The following ADCY1 variants were observed in gnomAD, a reference collection of about 807,000 sequenced individuals.
The protein encoded by ADCY1 is adenylate cyclase type 1.
A neutral mutation model predicts 105.4 loss-of-function variants in ADCY1; 28 were observed. That is an observed-to-expected ratio of 0.27 (90% CI 0.20 to 0.36). The LOEUF (loss-of-function observed/expected upper bound fraction) is 0.36, where lower values mean the gene tolerates loss of function less well. Ranked by LOEUF, ADCY1 falls within the 10% of genes least tolerant of loss-of-function variation. The probability of loss-of-function intolerance (pLI) is 1.00; values close to 1 mark genes in which losing one functional copy is unlikely to be tolerated. For synonymous variants in ADCY1, 655 were observed against 623.8 expected, an observed-to-expected ratio of 1.05 and a Z score of -0.75; for missense variants, 977 against 1,434.2, an observed-to-expected ratio of 0.68 and a Z score of 5.15.
At chr7:45,628,425 C>T (rs1006072827) in intron 4 of ADCY1, among the ~76,000 whole-genome samples, 2 of 152,200 alleles carry the variant, frequency 1.3e-5, no homozygotes, top group Non-Finnish European at 2.9e-5. Flanking sequence ...AATGGAAACA[C>T]ATCTTTCTTC....
Position 45,685,988 on chromosome 7 carries a change from C to T in ADCY1, c.2100C>T (p.Ser700=). The change falls in exon 13 of 20, where the codon AGC becomes AGT. Residue 700 remains serine (S), a synonymous_variant. Coordinates refer to ENST00000297323, the MANE Select transcript of ADCY1 (RefSeq NM_021116.4). ...CVVGCLPWAW[S]SKPNSSLVVL... is the part of the protein sequence containing the mutation. ...TGGGCTGCCTGCCTTGGGCCTGGAG[C>T]TCCAAGCCCAACAGTTCCCTGGTGG... is the stretch of plus-strand genomic sequence containing the variant. The T allele has an allele frequency of 6.2e-7, 1 of 1,613,782 alleles. No homozygotes were observed. The highest frequency in any genetic ancestry group is 8.5e-7 in the Non-Finnish European group (1 of 1,179,844).
intron 5 of ADCY1, among the ~76,000 whole-genome samples, chr7:45,652,351 G>A (rs954949819): frequency 1.3e-5 from 2 of 152,190 alleles, no homozygotes; most frequent in Admixed American, 6.5e-5. Flanking sequence ...CGTGGTTCCA[G>A]AGGCTGCTCT....
At chr7:45,663,976 G>C (rs891644480) in intron 8 of ADCY1, among the ~76,000 whole-genome samples, 3 of 152,156 alleles carry the variant, frequency 2.0e-5, no homozygotes, top group African/African-American at 7.2e-5. Context: ...AACAGAAGGA[G>C]GGGAGTGAGG....
At position 45,657,905 on chromosome 7, in the gene ADCY1, GGGAGGGGA is replaced by G; in HGVS notation, c.1307+23_1307+30del. On this transcript the variant is annotated intron_variant, in intron 6 of 19. Coordinates refer to ENST00000297323, the MANE Select transcript of ADCY1 (RefSeq NM_021116.4). ...GCCAGGGTAAGTCGGGGATGGGGTGGGGAGGGGAGGGAGGTGGGTGATGGCTGTGCACC... is the reference window on the plus strand; with the variant it reads ...GCCAGGGTAAGTCGGGGATGGGGTGGGGGAGGTGGGTGATGGCTGTGCACC... 1.3e-6 allele frequency: 2 copies of G among 1,552,924 alleles called. No individual in the cohort carries two copies. Among genetic ancestry groups the G allele is most frequent in the Non-Finnish European group, 1.8e-6 (2 of 1,138,070 alleles).
At chr7:45,592,657 G>C (rs559378081) in intron 1 of ADCY1, 102 bp from the exon 2 acceptor site, 13 of 1,526,778 alleles carry the variant, frequency 8.5e-6, no homozygotes, top group Non-Finnish European at 1.2e-5. Context: ...CCCGGGCGGC[G>C]TGGCTTTTGG....
chr7:45,659,636 T>G (rs1795038219), intron 6 of ADCY1, among the ~76,000 whole-genome samples: 1 of 152,186 alleles, frequency 6.6e-6, no homozygotes, highest in African/African-American at 2.4e-5. Flanking sequence ...GTCTGCCCAC[T>G]CCTTGTGCTG....
At chr7:45,689,165 T>C (rs961411316) in intron 14 of ADCY1, among the ~76,000 whole-genome samples, 2 of 151,864 alleles carry the variant, frequency 1.3e-5, no homozygotes, top group African/African-American at 2.4e-5. Flanking sequence ...CCTCGCCCTT[T>C]GGCCTCTCCC....
In ADCY1 at chr7:45,721,383, TA is replaced by T; in HGVS notation, c.*7392del. ...TACTTTGTCATATCAGACTATATTC[TA>T]AAACTATATTTGAGCGAAACCTGTC... On this transcript the variant is annotated 3_prime_UTR_variant, in exon 20 of 20. Coordinates refer to ENST00000297323, the MANE Select transcript of ADCY1 (RefSeq NM_021116.4). 3.3e-6 allele frequency: 1 copy of T among 306,662 alleles called. No homozygotes were observed. Among genetic ancestry groups the T allele is most frequent in the Non-Finnish European group, 5.9e-6 (1 of 168,524 alleles). The allele number at this position is 306,662 out of a possible 1,614,324, so 19.0% of individuals were successfully genotyped here. A position where few individuals can be genotyped will look rare whatever the true frequency, so the allele number is the denominator to read the frequency against.
intron 1 of ADCY1, among the ~76,000 whole-genome samples, chr7:45,588,633 G>T (rs1038797012): frequency 6.6e-6 from 1 of 151,952 alleles, no homozygotes; most frequent in South Asian, 2.1e-4. Context: ...GCACAGTCAA[G>T]TAGAGATGCC....
intron 8 of ADCY1, among the ~76,000 whole-genome samples, chr7:45,671,895 A>T (rs1032520067): frequency 1.3e-5 from 2 of 152,042 alleles, no homozygotes; most frequent in African/African-American, 2.4e-5. Context: ...TCTTTTCATC[A>T]TCTCAACAGG....
chr7:45,690,015 C>T (rs759039824), intron 14 of ADCY1, among the ~76,000 whole-genome samples: 1 of 152,200 alleles, frequency 6.6e-6, no homozygotes, highest in African/African-American at 2.4e-5. Context: ...CGATAGGACC[C>T]GATCCCTGTC....
Position 45,591,762 on chromosome 7 carries a change from G to T in ADCY1, c.640-997G>T, listed in dbSNP as rs1402634025. On this transcript the variant is annotated intron_variant, in intron 1 of 19. Coordinates refer to ENST00000297323, the MANE Select transcript of ADCY1 (RefSeq NM_021116.4). The surrounding 1 kb of genome is among the most constrained non-coding windows in gnomAD (Gnocchi z 4.1). ...AGAGACAGATCAGATGAGGAGACCG[G>T]CAGCAGGCAGTGGGGAGTGGGAAGT... is the stretch of plus-strand genomic sequence containing the variant. 6.6e-6 allele frequency among the ~76,000 whole-genome samples: 1 copy of T among 152,236 alleles called. No individual in the cohort carries two copies. Among genetic ancestry groups the T allele is most frequent in the Admixed American group, 6.5e-5 (1 of 15,292 alleles).
intron 4 of ADCY1, among the ~76,000 whole-genome samples, chr7:45,624,816 G>A (rs1339000297): frequency 1.3e-5 from 2 of 152,120 alleles, no homozygotes; most frequent in East Asian, 1.9e-4. Flanking sequence ...GGAGGGTCCC[G>A]CTTGGCCCCA....
At chr7:45,574,227 G>C (rs2115670060), upstream of ADCY1, 3 of 845,690 alleles carry the variant, frequency 3.5e-6, no homozygotes, top group Non-Finnish European at 4.3e-6. The surrounding 1 kb of genome is among the most constrained non-coding windows in gnomAD (Gnocchi z 7.0). Flanking sequence ...GGGCGGGAAC[G>C]CAGGACGCGG....
At chr7:45,701,925 A>G (rs908182241) in intron 14 of ADCY1, among the ~76,000 whole-genome samples, 5 of 152,074 alleles carry the variant, frequency 3.3e-5, no homozygotes, top group African/African-American at 9.7e-5. Flanking sequence ...CTTCTGGTCT[A>G]CGCTCCTTAA....
chr7:45,623,028 G>A lies in ADCY1; in HGVS notation c.1020+285G>A, dbSNP rs566417478. 9.2e-5 allele frequency among the ~76,000 whole-genome samples: 14 copies of A among 152,336 alleles called. No individual in the cohort carries two copies. The South Asian group carries it at 1.9e-3, about 20-fold the overall frequency. The stretch of plus-strand genomic sequence containing the variant: ...GAAGGCTTTGTTGTGCAGGCCATAC[G>A]TAGGTACGGGTCTGTCCTGTGCACC... On this transcript the variant is annotated intron_variant, in intron 4 of 19. Transcript: ENST00000297323.
At chr7:45,661,809 A>G (rs1338986726) in intron 7 of ADCY1, among the ~76,000 whole-genome samples, 1 of 152,234 alleles carries the variant, frequency 6.6e-6, no homozygotes, top group African/African-American at 2.4e-5. Context: ...GATTCCGAGC[A>G]TCACGTAGGC....
intron 4 of ADCY1, among the ~76,000 whole-genome samples, chr7:45,636,155 T>C (rs1161934497): frequency 2.0e-5 from 3 of 152,228 alleles, no homozygotes; most frequent in South Asian, 2.1e-4. Flanking sequence ...CCTTTGACTA[T>C]TGTCAGAAAG....
chr7:45,667,607 T>C (rs1784286164), intron 8 of ADCY1, among the ~76,000 whole-genome samples: 2 of 152,240 alleles, frequency 1.3e-5, no homozygotes, highest in African/African-American at 2.4e-5. Context: ...GACTTGGCGA[T>C]GTGGGCTCTT....
Sources: allele counts gnomAD v4.1 joint callset (sites outside exome capture counted in the v4.1 genomes callset), GRCh38; gene constraint gnomAD v4.1.1; non-coding constraint Gnocchi (gnomAD v3.1); transcripts MANE v1.5; gene names NCBI Gene and HGNC (gene_info 2026-07-23, HGNC 2026-07-21).